SERPINI1: variants seen among roughly 807,000 people sequenced by gnomAD.
The protein encoded by SERPINI1 is neuroserpin.
SERPINI1 carries 19 observed loss-of-function variants against 41.1 expected under a neutral mutation model. The ratio of observed to expected loss-of-function variants is 0.46; its 90% CI spans 0.32 to 0.68. SERPINI1 has a LOEUF of 0.68. Ranked by LOEUF, SERPINI1 falls within the 30% of genes least tolerant of loss-of-function variation. The probability of loss-of-function intolerance (pLI) is 0.03; values close to 1 mark genes in which losing one functional copy is unlikely to be tolerated. For synonymous variants in SERPINI1, 138 were observed against 156.6 expected (o/e 0.88, Z 0.89); for missense variants, 460 against 479.2 (o/e 0.96, Z 0.37).
intron 1 of SERPINI1, among the ~76,000 whole-genome samples, chr3:167,753,148 G>A (rs1266439158): frequency 1.3e-5 from 2 of 152,136 alleles, no homozygotes; most frequent in East Asian, 3.9e-4. Context: ...ATTGGATGTC[G>A]ATGCTTGAGG....
chr3:167,746,603 C>G (rs1413362804), intron 1 of SERPINI1, among the ~76,000 whole-genome samples: 1 of 152,172 alleles, frequency 6.6e-6, no homozygotes, highest in Admixed American at 6.5e-5. Flanking sequence ...TATGAATAGA[C>G]ATTTCTTCCT....
chr3:167,759,966 T>C (rs1458537369), intron 1 of SERPINI1, among the ~76,000 whole-genome samples: 1 of 152,210 alleles, frequency 6.6e-6, no homozygotes, highest in African/African-American at 2.4e-5. Context: ...ACACTGCATA[T>C]ATGTATGTAC....
chr3:167,817,101 A>G (rs1712122147), intron 6 of SERPINI1, among the ~76,000 whole-genome samples: 1 of 151,992 alleles, frequency 6.6e-6, no homozygotes, highest in African/African-American at 2.4e-5. Context: ...TTTGATTTGT[A>G]TTTTGATAAG....
Position 167,824,559 on chromosome 3 carries a change from A to C in SERPINI1, c.1153A>C (p.Thr385Pro). 1 of 1,608,170 alleles carries C rather than the reference A, an allele frequency of 6.2e-7. No individual in the cohort carries two copies. Among genetic ancestry groups the C allele is most frequent in the Non-Finnish European group, 8.5e-7 (1 of 1,174,948 alleles). The stretch of plus-strand genomic sequence containing the variant: ...TTTCTTTCTTATCAGAAACAGGAGA[A>C]CTGGTAAGTTTATTATGAAAACAAA... Reference protein sequence around the residue: ...PFFFLIRNRRTGTILFMGRVM... With the variant: ...PFFFLIRNRRPGTILFMGRVM... The change falls in exon 8 of 9, where the codon ACT becomes CCT. Residue 385 changes from threonine to proline, a missense_variant. Thr to Pro is a conservative substitution (Grantham distance 38). Transcript: ENST00000446050.
intron 1 of SERPINI1, among the ~76,000 whole-genome samples, chr3:167,754,864 A>G (rs1726147920): frequency 6.6e-6 from 1 of 151,972 alleles, no homozygotes. Flanking sequence ...GTCCTACCCA[A>G]CCCTGAGTAG....
At chr3:167,784,606 C>A (rs1339571483) in intron 1 of SERPINI1, among the ~76,000 whole-genome samples, 2 of 152,122 alleles carry the variant, frequency 1.3e-5, no homozygotes, top group East Asian at 1.9e-4. Context: ...AAGAAGCAGG[C>A]AACTTCTTCA....
At chr3:167,739,691 A>G (rs1387513924) in intron 1 of SERPINI1, among the ~76,000 whole-genome samples, 2 of 152,172 alleles carry the variant, frequency 1.3e-5, no homozygotes, top group African/African-American at 2.4e-5. Context: ...ATTTCATTCT[A>G]TAAAAACTGA....
chr3:167,792,138 A>G (rs1727540897), intron 3 of SERPINI1, among the ~76,000 whole-genome samples: 1 of 152,146 alleles, frequency 6.6e-6, no homozygotes, highest in Non-Finnish European at 1.5e-5. Context: ...CAAACAAACA[A>G]ACAAAAAACA....
At chr3:167,739,476 G>A (rs79608939) in intron 1 of SERPINI1, among the ~76,000 whole-genome samples, 19 of 152,300 alleles carry the variant, frequency 1.2e-4, no homozygotes, top group Admixed American at 2.0e-4. Flanking sequence ...TTCACACTGT[G>A]TGCGCTGCAA....
At chr3:167,812,643 G>T (rs1434348575) in intron 6 of SERPINI1, among the ~76,000 whole-genome samples, 1 of 152,108 alleles carries the variant, frequency 6.6e-6, no homozygotes, top group Non-Finnish European at 1.5e-5. Context: ...TCTTACACAT[G>T]TTTCCTATAG....
At chr3:167,751,255 C>A (rs904568818) in intron 1 of SERPINI1, among the ~76,000 whole-genome samples, 2 of 152,166 alleles carry the variant, frequency 1.3e-5, no homozygotes, top group African/African-American at 2.4e-5. Flanking sequence ...CCAATTCACA[C>A]ATTTATATTA....
intron 1 of SERPINI1, among the ~76,000 whole-genome samples, chr3:167,776,737 C>T (rs1429814389): frequency 6.6e-6 from 1 of 152,192 alleles, no homozygotes; most frequent in Non-Finnish European, 1.5e-5. Context: ...AGTTAAGTTC[C>T]TTGATTTGAC....
intron 2 of SERPINI1, among the ~76,000 whole-genome samples, chr3:167,790,137 A>G (rs1016524080): frequency 6.6e-6 from 1 of 152,204 alleles, no homozygotes; most frequent in Admixed American, 6.5e-5. Flanking sequence ...TTGTAGCAAA[A>G]TAACAATGAA....
In SERPINI1 at chr3:167,824,773, T is replaced by A. The variant is rs1712458216; in HGVS notation, c.1156+211T>A. ...ATGAAAATAAGGCTGGTGAGGTGGC[T>A]CAGACTTTAATCTCAGCACTTCAGG... On this transcript the variant is annotated intron_variant, in intron 8 of 8. Transcript: ENST00000446050. 2.0e-5 allele frequency among the ~76,000 whole-genome samples: 3 copies of A among 152,248 alleles called. No homozygotes were observed. In the South Asian group the frequency reaches 6.2e-4, roughly 32 times the overall value.
intron 6 of SERPINI1, among the ~76,000 whole-genome samples, chr3:167,816,786 G>T (rs1712104892): frequency 6.6e-6 from 1 of 152,110 alleles, no homozygotes; most frequent in Non-Finnish European, 1.5e-5. Context: ...GCCTCACAGA[G>T]CTAGATGCTG....
chr3:167,759,739 T>C (rs529429540), intron 1 of SERPINI1, among the ~76,000 whole-genome samples: 2 of 152,182 alleles, frequency 1.3e-5, no homozygotes, highest in South Asian at 4.1e-4. Context: ...AATATGTCCA[T>C]GTAACCTCCA....
intron 6 of SERPINI1, among the ~76,000 whole-genome samples, chr3:167,819,483 C>CA (rs1398566520): frequency 6.6e-6 from 1 of 152,144 alleles, no homozygotes; most frequent in Non-Finnish European, 1.5e-5. Context: ...TTCTAGTCAA[C>CA]AAATACATTC....
At chr3:167,760,902 G>C (rs972198082) in intron 1 of SERPINI1, among the ~76,000 whole-genome samples, 2 of 152,176 alleles carry the variant, frequency 1.3e-5, no homozygotes, top group African/African-American at 2.4e-5. Flanking sequence ...TGCAGGGTGG[G>C]TAGTTTTGGA....
In SERPINI1 at chr3:167,825,452, T is replaced by A. The variant is rs1279002632; in HGVS notation, c.*129T>A. Reference sequence around the variant, plus strand: ...TTAAAATAGTTCCAGATAAAAACAATATATGTAAATTATAAGTAACTTGTC... The same window carrying A: ...TTAAAATAGTTCCAGATAAAAACAAAATATGTAAATTATAAGTAACTTGTC... On this transcript the variant is annotated 3_prime_UTR_variant, in exon 9 of 9. Coordinates refer to ENST00000446050, the MANE Select transcript of SERPINI1 (RefSeq NM_001122752.2). The A allele has an allele frequency of 1.5e-6, 1 of 676,854 alleles. No individual in the cohort carries two copies. The highest frequency in any genetic ancestry group is 2.7e-6 in the Non-Finnish European group (1 of 374,752). 41.9% of individuals were successfully genotyped at this position (676,854 alleles called of 1,614,324 possible). A position where few individuals can be genotyped will look rare whatever the true frequency, so the allele number is the denominator to read the frequency against.
Sources: allele counts gnomAD v4.1 joint callset (sites outside exome capture counted in the v4.1 genomes callset), GRCh38; gene constraint gnomAD v4.1.1; transcripts MANE v1.5; gene names NCBI Gene and HGNC (gene_info 2026-07-23, HGNC 2026-07-21).